COL4A1: variants seen among roughly 807,000 people sequenced by gnomAD.
COL4A1 encodes collagen alpha-1(IV) chain.
A neutral mutation model predicts 216.6 loss-of-function variants in COL4A1; 40 were observed. The ratio of observed to expected loss-of-function variants is 0.18; its 90% confidence interval spans 0.14 to 0.24. The LOEUF is 0.24. COL4A1 is among the 10% of genes least tolerant of loss of function. The probability of loss-of-function intolerance (pLI) is 1.00; values close to 1 mark genes in which losing one functional copy is unlikely to be tolerated. For missense variants in COL4A1, 1,628 were observed against 2,196.8 expected (o/e 0.74, Z 5.18); for synonymous variants, 839 against 810.7 (o/e 1.03, Z -0.59).
At chr13:110,251,840 C>T (rs552112074) in intron 1 of COL4A1, among the ~76,000 whole-genome samples, 1 of 152,268 alleles carries the variant, frequency 6.6e-6, no homozygotes, top group African/African-American at 2.4e-5. Flanking sequence ...AGACCTTGAA[C>T]CCACACCTGA....
At chr13:110,172,181 TCAGTGTCGTG>T (rs1196388281) in intron 41 of COL4A1, among the ~76,000 whole-genome samples, 1 of 152,248 alleles carries the variant, frequency 6.6e-6, no homozygotes, top group African/African-American at 2.4e-5. Context: ...TGGCTTCTCT[TCAGTGTCGTG>T]CAGCTCACAT....
Position 110,176,472 on chromosome 13 carries a change from G to A in COL4A1, c.3010C>T (p.Pro1004Ser), listed in dbSNP as rs748037745. ...DPGISGTPGA[P>S]GLPGPKGSVG... ...GATCCTTTTGGTCCCGGAAGTCCTGGAGCACCTGGGGTTCCACTTATACCT... is the reference window on the plus strand; with the variant it reads ...GATCCTTTTGGTCCCGGAAGTCCTGAAGCACCTGGGGTTCCACTTATACCT... The change falls in exon 36 of 52, where the codon CCA becomes TCA. Residue 1004 changes from proline to serine, a missense_variant. Pro to Ser is a moderately conservative substitution (Grantham distance 74, BLOSUM62 -1). Transcript: ENST00000375820. The A allele has an allele frequency of 1.9e-6, 3 of 1,614,054 alleles. No homozygotes were observed. The highest frequency in any genetic ancestry group is 2.5e-6 in the Non-Finnish European group (3 of 1,179,928).
At chr13:110,199,638 G>A (rs979167542) in intron 20 of COL4A1, among the ~76,000 whole-genome samples, 3 of 152,178 alleles carry the variant, frequency 2.0e-5, no homozygotes, top group Non-Finnish European at 2.9e-5. Context: ...AGCTGGGGGC[G>A]GGCAGAGGCA....
chr13:110,224,741 C>T (rs1325759777), intron 2 of COL4A1, among the ~76,000 whole-genome samples: 1 of 152,156 alleles, frequency 6.6e-6, no homozygotes, highest in Non-Finnish European at 1.5e-5. Context: ...CCAATTAGTG[C>T]CTAAGTACTT....
chr13:110,174,664 G>T lies in COL4A1; in HGVS notation c.3284C>A (p.Ser1095Tyr). 1 of 1,613,946 alleles carries T rather than the reference G, an allele frequency of 6.2e-7. No individual in the cohort carries two copies. ...CCCGGGAGACCCTTTAAGGCCTGGG[G>T]ACCCTGGCATTCCTGGGATCCCAAT... is the stretch of plus-strand genomic sequence containing the variant. ...GSIGIPGMPG[S>Y]PGLKGSPGSV... The change falls in exon 38 of 52, where the codon TCC becomes TAC. Residue 1095 changes from serine (S) to tyrosine (Y), a missense_variant. Physicochemically the swap from Ser to Tyr is moderately radical, Grantham distance 144 (BLOSUM62 -2). This residue lies in a region of COL4A1 where 345 missense variants were observed against 476.9 expected (regional missense o/e 0.72). Coordinates refer to ENST00000375820, the MANE Select transcript of COL4A1 (RefSeq NM_001845.6).
chr13:110,235,757 A>G (rs1881291840), intron 2 of COL4A1, among the ~76,000 whole-genome samples: 1 of 152,106 alleles, frequency 6.6e-6, no homozygotes, highest in South Asian at 2.1e-4. Context: ...TTCTACACAG[A>G]TACTAGGAAT....
chr13:110,154,603 T>G (rs73624531), intron 50 of COL4A1, among the ~76,000 whole-genome samples: 1,590 of 152,216 alleles, frequency 0.01, 34 homozygotes, highest in African/African-American at 0.037. Flanking sequence ...ATAGAGAAGT[T>G]GGTCACATGG....
In COL4A1 at chr13:110,208,958, T is replaced by G. The variant is rs28374456; in HGVS notation, c.652-68A>C. ...TTCGTTCAAAGTCATTCTACAAACCTCACACAAAATGCAATAAGATGGTAG... is the reference window on the plus strand; with the variant it reads ...TTCGTTCAAAGTCATTCTACAAACCGCACACAAAATGCAATAAGATGGTAG... On this transcript the variant is annotated intron_variant, in intron 11 of 51. Transcript: ENST00000375820. The G allele has an allele frequency of 5.3e-4, 769 of 1,462,780 alleles. 6 individuals carry two copies. The African/African-American group carries it at 8.7e-3, about 16-fold the overall frequency. The allele number at this position is 1,462,780 out of a possible 1,614,324, so 90.6% of individuals were successfully genotyped here. A position where few individuals can be genotyped will look rare whatever the true frequency, so the allele number is the denominator to read the frequency against.
At chr13:110,187,112 C>T in intron 25 of COL4A1, 26 bp downstream of exon 25, 1 of 1,613,216 alleles carries the variant, frequency 6.2e-7, no homozygotes, top group Non-Finnish European at 8.5e-7. Context: ...GTAAAATGCA[C>T]ATTCAAAGTC....
At chr13:110,169,892 G>T in intron 42 of COL4A1, 130 bp from the exon 43 acceptor site, 1 of 1,150,546 alleles carries the variant, frequency 8.7e-7, no homozygotes, top group Non-Finnish European at 1.2e-6. Context: ...GACAACCCTT[G>T]AGACAGAAAT....
At chr13:110,173,255 A>G (rs1207616172) in intron 40 of COL4A1, among the ~76,000 whole-genome samples, 1 of 151,828 alleles carries the variant, frequency 6.6e-6, no homozygotes, top group Non-Finnish European at 1.5e-5. Flanking sequence ...AAACAAATGT[A>G]TAGAATATAA....
At chr13:110,240,278 G>A (rs1328524649) in intron 2 of COL4A1, among the ~76,000 whole-genome samples, 1 of 152,108 alleles carries the variant, frequency 6.6e-6, no homozygotes, top group Non-Finnish European at 1.5e-5. Flanking sequence ...TAGAGGAGCA[G>A]GTCAGGCCAA....
At chr13:110,252,486 CGTATAATTATACGTATATATGTATT>C (rs1594090646) in intron 1 of COL4A1, among the ~76,000 whole-genome samples, 1 of 39,754 alleles carries the variant, frequency 2.5e-5, no homozygotes, top group African/African-American at 9.7e-5. Context: ...ATTATATATA[CGTATAATTATACGTATATATGTATT>C]ATATATACGT....
At position 110,164,270 on chromosome 13, in the gene COL4A1, T is replaced by G. The variant is rs930371363; in HGVS notation, c.4150+592A>C. ...AGCCTCCCAAAAAGCCGGCATTACA[T>G]AGGTGTGACCCAGTGAGCCTGGCTA... is the stretch of plus-strand genomic sequence containing the variant. On this transcript the variant is annotated intron_variant, in intron 46 of 51. Coordinates refer to ENST00000375820, the MANE Select transcript of COL4A1 (RefSeq NM_001845.6). Among the ~76,000 whole-genome samples the G allele has an allele frequency of 2.0e-5, 3 of 152,156 alleles. No individual in the cohort carries two copies. The East Asian group carries it at 5.8e-4, about 29-fold the overall frequency.
chr13:110,187,861 C>T (rs1878469551), intron 24 of COL4A1, among the ~76,000 whole-genome samples: 1 of 152,240 alleles, frequency 6.6e-6, no homozygotes, highest in Non-Finnish European at 1.5e-5. Flanking sequence ...GCTGAATACT[C>T]CTGTGCATAT....
chr13:110,169,568 T>C (rs1877510753), intron 43 of COL4A1, 61 bp downstream of exon 43: 18 of 1,607,364 alleles, frequency 1.1e-5, no homozygotes, highest in South Asian at 4.4e-5. Context: ...TAGACACATA[T>C]GAATACTTCT....
chr13:110,287,383 A>G (rs1196851185), intron 1 of COL4A1, among the ~76,000 whole-genome samples: 1 of 152,126 alleles, frequency 6.6e-6, no homozygotes, highest in Non-Finnish European at 1.5e-5. Context: ...ATACTCCCCT[A>G]CTTCGTGCCC....
chr13:110,242,834 G>A (rs1231306009), intron 1 of COL4A1, 100 bp from the exon 2 acceptor site: 15 of 1,292,748 alleles, frequency 1.2e-5, no homozygotes, highest in African/African-American at 8.8e-5. Context: ...GTTTATGAGC[G>A]AAGCCTGCCC....
At chr13:110,276,421 C>A (rs1883433463) in intron 1 of COL4A1, among the ~76,000 whole-genome samples, 1 of 152,132 alleles carries the variant, frequency 6.6e-6, no homozygotes, top group Non-Finnish European at 1.5e-5. Context: ...CTGGGGAATG[C>A]GTCCTGGCCT....
Sources: gnomAD v4.1 joint callset for allele counts (sites outside exome capture counted in the v4.1 genomes callset) on GRCh38, gnomAD v4.1.1 for gene constraint, gnomAD v4.1.1 regional missense constraint, MANE v1.5 for transcripts, NCBI Gene and HGNC (gene_info 2026-07-23, HGNC 2026-07-21) for gene names.